Variants in APTX observed in about 807,000 individuals in gnomAD.
The protein encoded by APTX is aprataxin, also known as forkhead-associated domain histidine triad-like protein.
APTX carries 33 observed loss-of-function variants against 42.3 expected under a neutral mutation model. That is an observed-to-expected ratio of 0.78 (90% CI 0.59 to 1.04). The LOEUF (loss-of-function observed/expected upper bound fraction) is 1.04, where lower values mean the gene tolerates loss of function less well. Ranked by LOEUF, APTX falls within the 50% of genes least tolerant of loss-of-function variation. The probability of loss-of-function intolerance (pLI) is 0.00; values close to 1 mark genes in which losing one functional copy is unlikely to be tolerated. For missense variants in APTX, 421 were observed against 415.1 expected (o/e 1.01, Z -0.12); for synonymous variants, 130 against 146.7 (o/e 0.89, Z 0.82).
chr9:32,974,344 C>G (rs1828803257), intron 7 of APTX, 114 bp downstream of exon 7: 3 of 742,966 alleles, frequency 4.0e-6, no homozygotes, highest in Non-Finnish European at 7.2e-6. Flanking sequence ...ATAGGGAACA[C>G]AAAGTTGTAC....
upstream of APTX, among the ~76,000 whole-genome samples, chr9:33,006,308 C>A (rs1368433293): frequency 6.6e-6 from 1 of 152,218 alleles, no homozygotes; most frequent in East Asian, 1.9e-4. Context: ...GATTCCTGAT[C>A]TCTTGGGGGA....
At chr9:32,981,583 T>G (rs1830685596) in intron 6 of APTX, among the ~76,000 whole-genome samples, 1 of 152,158 alleles carries the variant, frequency 6.6e-6, no homozygotes, top group Non-Finnish European at 1.5e-5. Flanking sequence ...TCATTCCAGA[T>G]AAGCCTGGAA....
At chr9:32,973,734 A>C in intron 7 of APTX, 82 bp from the exon 8 acceptor site, 1 of 1,551,908 alleles carries the variant, frequency 6.4e-7, no homozygotes, top group Non-Finnish European at 8.8e-7. Context: ...AAAAAATCAA[A>C]AACGTGACTC....
intron 1 of APTX, among the ~76,000 whole-genome samples, chr9:32,994,648 T>C (rs1167807572): frequency 6.6e-6 from 1 of 152,230 alleles, no homozygotes; most frequent in Non-Finnish European, 1.5e-5. Flanking sequence ...TGTCACATTT[T>C]AGTAATTCTC....
In APTX at chr9:32,985,985, C is replaced by A; in HGVS notation, c.529G>T (p.Asp177Tyr). ...WSQGLKISMQ[D>Y]PKMQVYKDEQ... is the part of the protein sequence containing the mutation. ...TGTATTCTGACCTGCATTTTGGGGT[C>A]CTGCATAGAAATCTTCAAGCCTTGA... The change falls in exon 5 of 8, where the codon GAC (aspartate) becomes TAC (tyrosine). Residue 177 changes from aspartate (D) to tyrosine (Y), a missense_variant. Transcript: ENST00000379817. 6.2e-7 allele frequency: 1 copy of A among 1,603,646 alleles called. No individual in the cohort carries two copies. Among genetic ancestry groups the A allele is most frequent in the Non-Finnish European group, 8.5e-7 (1 of 1,177,708 alleles).
chr9:33,005,105 T>A (rs1358452361), upstream of APTX, among the ~76,000 whole-genome samples: 1 of 152,214 alleles, frequency 6.6e-6, no homozygotes, highest in East Asian at 1.9e-4. Flanking sequence ...CTTCATTTTT[T>A]AATGGGGTTA....
At chr9:32,984,995 G>T in intron 5 of APTX, 138 bp from the exon 6 acceptor site, 1 of 768,986 alleles carries the variant, frequency 1.3e-6, no homozygotes, top group Non-Finnish European at 2.2e-6. Context: ...AGAGAGGAGA[G>T]CACTGAAATT....
At chr9:32,988,704 A>G (rs1429717896) in intron 2 of APTX, among the ~76,000 whole-genome samples, 1 of 150,392 alleles carries the variant, frequency 6.6e-6, no homozygotes, top group East Asian at 1.9e-4. Flanking sequence ...AAAAAAAAAA[A>G]AAAAAAAAAG....
Position 32,984,798 on chromosome 9 carries a change from A to G in APTX, c.603T>C (p.His201=), listed in dbSNP as rs1831519644. 2.5e-6 allele frequency: 4 copies of G among 1,614,086 alleles called. No individual in the cohort carries two copies. The highest frequency in any genetic ancestry group is 1.7e-5 in the Admixed American group (1 of 60,004). Residue 201 remains histidine, a synonymous_variant, in exon 6 of 8, where the codon CAT becomes CAC. Coordinates refer to ENST00000379817, the MANE Select transcript of APTX (RefSeq NM_001195248.2). The stretch of plus-strand genomic sequence containing the variant: ...TGGAGGTCCACGGTAAGACCAGCCA[A>G]TGGTAACGGGCCTTTGGGTATTTAT... ...IKDKYPKARY[H]WLVLPWTSIS...
At chr9:33,006,728 C>T (rs957262846) in intron 1 of APTX, among the ~76,000 whole-genome samples, 8 of 152,026 alleles carry the variant, frequency 5.3e-5, no homozygotes, top group South Asian at 2.1e-4. Context: ...TGGCCGGGTG[C>T]GGTGGCTCAC....
chr9:32,989,617 T>G (rs772914203), intron 2 of APTX, 142 bp downstream of exon 2: 11 of 1,232,230 alleles, frequency 8.9e-6, no homozygotes, highest in Non-Finnish European at 1.3e-5. Context: ...AGGGCCCTGG[T>G]GTTGGCTAAA....
chr9:32,992,072 C>T (rs192995162), intron 1 of APTX, among the ~76,000 whole-genome samples: 2 of 152,208 alleles, frequency 1.3e-5, no homozygotes, highest in African/African-American at 4.8e-5. Context: ...GATGAGATCA[C>T]CCAATGAGGT....
chr9:32,980,104 T>A (rs1830357873), intron 6 of APTX: 1 of 152,802 alleles, frequency 6.5e-6, no homozygotes, highest in African/African-American at 2.4e-5. Context: ...GCTACTTTCT[T>A]CTCTCGCTTC....
intron 1 of APTX, among the ~76,000 whole-genome samples, chr9:33,015,730 T>A (rs1385415397): frequency 6.6e-6 from 1 of 152,216 alleles, no homozygotes. Flanking sequence ...TGCTGCCACA[T>A]GCATGCAAGA....
chr9:33,004,804 TG>T (rs374322135), upstream of APTX, among the ~76,000 whole-genome samples: 10,588 of 143,384 alleles, frequency 0.074, 502 homozygotes, highest in Non-Finnish European at 0.11. Context: ...GGGTAATTTT[TG>T]TATTTTTTTT....
chr9:33,007,735 G>T, intron 1 of APTX, among the ~76,000 whole-genome samples: 1 of 151,858 alleles, frequency 6.6e-6, no homozygotes, highest in South Asian at 2.1e-4. Context: ...AAAGTGAGGG[G>T]ATTTATGCTA....
upstream of APTX, among the ~76,000 whole-genome samples, chr9:33,006,223 T>G (rs1211048864): frequency 6.6e-6 from 1 of 152,006 alleles, no homozygotes; most frequent in East Asian, 1.9e-4. Context: ...GAGTTCAAGA[T>G]CAGCCCAGCC....
intron 6 of APTX, among the ~76,000 whole-genome samples, chr9:32,983,309 T>C (rs1831139524): frequency 6.6e-6 from 1 of 152,210 alleles, no homozygotes. Context: ...ATGGTAGCTC[T>C]AGAAGAGACA....
chr9:33,012,121 A>G (rs1345024950), intron 1 of APTX, among the ~76,000 whole-genome samples: 1 of 152,192 alleles, frequency 6.6e-6, no homozygotes, highest in Non-Finnish European at 1.5e-5. Context: ...CATACGTTTA[A>G]CCACAGTAAA....
Sources: gnomAD v4.1 joint callset for allele counts (sites outside exome capture counted in the v4.1 genomes callset) on GRCh38, gnomAD v4.1.1 for gene constraint, MANE v1.5 for transcripts, NCBI Gene and HGNC (gene_info 2026-07-23, HGNC 2026-07-21) for gene names.